The following CPLX2 variants were observed in gnomAD, a reference collection of about 807,000 sequenced individuals.
CPLX2 encodes the protein complexin-2.
CPLX2 carries 5 observed loss-of-function variants against 16.3 expected under a neutral mutation model. That is an observed-to-expected ratio of 0.31 (90% confidence interval 0.16 to 0.64). CPLX2 has a LOEUF of 0.64. CPLX2 is among the 30% of genes least tolerant of loss of function. CPLX2 has a pLI of 0.79. For synonymous variants in CPLX2, 89 were observed against 73.2 expected (o/e 1.22, Z -1.10); for missense variants, 144 against 181.4 (o/e 0.79, Z 1.18).
intron 1 of CPLX2, chr5:175,871,949 T>A (rs1759633420): frequency 6.6e-6 from 1 of 151,874 alleles, no homozygotes; most frequent in African/African-American, 2.4e-5. Context: ...GGCAGCTAGC[T>A]GCGAACTAAG....
chr5:175,816,126 G>A (rs905265634), intron 2 of CPLX2, among the ~76,000 whole-genome samples: 3 of 152,100 alleles, frequency 2.0e-5, no homozygotes, highest in Non-Finnish European at 2.9e-5. Context: ...GGCCGGCTCC[G>A]CCACTATGCA....
chr5:175,861,774 C>T (rs1759377449), intron 2 of CPLX2: 2 of 152,184 alleles, frequency 1.3e-5, no homozygotes, highest in African/African-American at 4.8e-5. Flanking sequence ...GTGAGTGTTG[C>T]ACAGATGCAC....
intron 2 of CPLX2, among the ~76,000 whole-genome samples, chr5:175,838,434 AT>A (rs377637563): frequency 1.3e-5 from 2 of 151,712 alleles, no homozygotes; most frequent in African/African-American, 2.4e-5. Flanking sequence ...AGCCCGGCTA[AT>A]TTTTTTGTAT....
chr5:175,823,905 G>T (rs1173996395), intron 2 of CPLX2, among the ~76,000 whole-genome samples: 1 of 152,172 alleles, frequency 6.6e-6, no homozygotes, highest in Non-Finnish European at 1.5e-5. Flanking sequence ...AACTGTGATT[G>T]CCACCCACAG....
chr5:175,836,337 G>A (rs575325408), intron 2 of CPLX2, among the ~76,000 whole-genome samples: 27 of 151,850 alleles, frequency 1.8e-4, no homozygotes, highest in African/African-American at 4.8e-4. Flanking sequence ...GCGACAGAGC[G>A]AGACTCCGTC....
chr5:175,841,828 C>G (rs1419382047), intron 2 of CPLX2, among the ~76,000 whole-genome samples: 16 of 152,206 alleles, frequency 1.1e-4, no homozygotes, highest in African/African-American at 3.9e-4. Flanking sequence ...TTTCTATAAG[C>G]CTCAAATTTC....
At chr5:175,850,797 G>A (rs139906542) in intron 2 of CPLX2, among the ~76,000 whole-genome samples, 17 of 152,232 alleles carry the variant, frequency 1.1e-4, no homozygotes, top group Admixed American at 4.6e-4. Context: ...GGGGCAGAGC[G>A]ATGTGTTCAG....
At chr5:175,799,544 A>ATATATTTATATATATT (rs1238771061) in intron 1 of CPLX2, among the ~76,000 whole-genome samples, 1,795 of 94,374 alleles carry the variant, frequency 0.019, 77 homozygotes, top group East Asian at 0.08. Flanking sequence ...AATTTCATAT[A>ATATATTTATATATATT]TATATATATA....
intron 2 of CPLX2, among the ~76,000 whole-genome samples, chr5:175,840,942 AT>A (rs898191109): frequency 6.6e-6 from 1 of 152,178 alleles, no homozygotes; most frequent in African/African-American, 2.4e-5. Flanking sequence ...CAGCCTGACT[AT>A]CCTCATCTCA....
rs188022960 is a variant in CPLX2 at position 175,833,087 on chromosome 5, C to A, written c.-89+24019C>A. Among the ~76,000 whole-genome samples, 8 of 148,560 alleles carry A rather than the reference C, an allele frequency of 5.4e-5. No homozygotes were observed. The Admixed American group carries it at 5.5e-4, about 10-fold the overall frequency. ...AGGAGAATCACTTGAACCCAGCAGG[C>A]GGATGTTGCAATGAGCTGAGATCGC... is the stretch of plus-strand genomic sequence containing the variant. On this transcript the variant is annotated intron_variant, in intron 2 of 4. Coordinates refer to the CPLX2 transcript ENST00000359546.
intron 1 of CPLX2, among the ~76,000 whole-genome samples, chr5:175,803,897 C>G (rs932727344): frequency 2.6e-5 from 4 of 152,140 alleles, no homozygotes; most frequent in African/African-American, 9.7e-5. Flanking sequence ...AATCCATTGG[C>G]GCTGGCAGCC....
chr5:175,883,080 G>C lies in CPLX2; in HGVS notation c.*3035G>C, dbSNP rs991239049. On this transcript the variant is annotated 3_prime_UTR_variant, in exon 4 of 4. Transcript: ENST00000393745. ...CAACACACAAGGGAGAGAACCCCCAGATGAGAAAATAGGAAGGAGCAATCA... is the reference window on the plus strand; with the variant it reads ...CAACACACAAGGGAGAGAACCCCCACATGAGAAAATAGGAAGGAGCAATCA... 6.6e-6 allele frequency: 1 copy of C among 152,332 alleles called. No individual in the cohort carries two copies. The highest frequency in any genetic ancestry group is 1.5e-5 in the Non-Finnish European group (1 of 68,098). 9.4% of individuals were successfully genotyped at this position (152,332 alleles called of 1,614,324 possible).
upstream of CPLX2, among the ~76,000 whole-genome samples, chr5:175,868,303 G>A (rs1038787867): frequency 2.0e-5 from 3 of 152,186 alleles, no homozygotes; most frequent in Non-Finnish European, 2.9e-5. Flanking sequence ...TGATCACCAC[G>A]TTTATGGTCT....
At position 175,830,964 on chromosome 5, in the gene CPLX2, C is replaced by T. The variant is rs182299911; in HGVS notation, c.-89+21896C>T. Among the ~76,000 whole-genome samples, 534 of 152,292 alleles carry T rather than the reference C, an allele frequency of 3.5e-3. 1 individual carries two copies. Among genetic ancestry groups the T allele is most frequent in the African/African-American group, 0.012 (509 of 41,560 alleles). On this transcript the variant is annotated intron_variant, in intron 2 of 4. Transcript: ENST00000359546. The surrounding 1 kb of genome is among the most constrained non-coding windows in gnomAD (Gnocchi z 4.0). ...TCGTGCTCACACAGTTGTGTCAGTGCGATTGTGAGCATGGCTGGGGGTGCG... is the reference window on the plus strand; with the variant it reads ...TCGTGCTCACACAGTTGTGTCAGTGTGATTGTGAGCATGGCTGGGGGTGCG...
rs986337306 is a variant in CPLX2 at position 175,865,763 on chromosome 5, AG to A, written c.-88-12888del. Among the ~76,000 whole-genome samples the A allele has an allele frequency of 3.9e-4, 60 of 152,182 alleles. 1 individual carries two copies. The highest frequency in any genetic ancestry group is 5.9e-5 in the Non-Finnish European group (4 of 68,028). On this transcript the variant is annotated intron_variant, in intron 2 of 4. Transcript: ENST00000359546. ...GGGTTTTTCAACCAGTCGATGTGTC[AG>A]AAACACCTGCGGAGCTGGGCAAAAG...
At chr5:175,843,822 G>C (rs781671255) in intron 2 of CPLX2, among the ~76,000 whole-genome samples, 2 of 152,350 alleles carry the variant, frequency 1.3e-5, no homozygotes, top group Middle Eastern at 3.4e-3. Context: ...AGAGAAGGTC[G>C]TTGTTACCTG....
At chr5:175,840,943 T>C (rs1448320520) in intron 2 of CPLX2, among the ~76,000 whole-genome samples, 1 of 152,150 alleles carries the variant, frequency 6.6e-6, no homozygotes, top group African/African-American at 2.4e-5. Flanking sequence ...AGCCTGACTA[T>C]CCTCATCTCA....
chr5:175,869,179 C>T (rs886781529), upstream of CPLX2, among the ~76,000 whole-genome samples: 1 of 152,228 alleles, frequency 6.6e-6, no homozygotes, highest in Non-Finnish European at 1.5e-5. Flanking sequence ...GCTAAAGTGT[C>T]ATGATTTACC....
At chr5:175,834,771 G>A (rs1360502918) in intron 2 of CPLX2, among the ~76,000 whole-genome samples, 1 of 152,220 alleles carries the variant, frequency 6.6e-6, no homozygotes, top group Non-Finnish European at 1.5e-5. Flanking sequence ...CTACTCAGGA[G>A]GCTGAGGCAG....
Sources: allele counts gnomAD v4.1 joint callset (sites outside exome capture counted in the v4.1 genomes callset), GRCh38; gene constraint gnomAD v4.1.1; non-coding constraint Gnocchi (gnomAD v3.1); transcripts MANE v1.5; gene names NCBI Gene and HGNC (gene_info 2026-07-23, HGNC 2026-07-21).